The following POU2AF1 variants were observed in gnomAD, a reference collection of about 807,000 sequenced individuals.
POU2AF1 encodes POU domain class 2-associating factor 1.
Under a neutral mutation model 26.3 loss-of-function variants are expected in POU2AF1, and 12 were observed. The observed-to-expected ratio is 0.46, with a 90% CI of 0.29 to 0.74. The LOEUF is 0.74. Among genes scored for constraint, POU2AF1 ranks in the 30% least tolerant of loss-of-function variants. The pLI, the probability that POU2AF1 is intolerant of heterozygous loss-of-function variation, is 0.09. For synonymous variants in POU2AF1, 175 were observed against 148.0 expected (o/e 1.18, Z -1.32); for missense variants, 297 against 334.5 (o/e 0.89, Z 0.87).
intron 1 of POU2AF1, among the ~76,000 whole-genome samples, chr11:111,361,312 G>A (rs1198649076): frequency 7.2e-5 from 11 of 152,254 alleles, no homozygotes; most frequent in Middle Eastern, 3.4e-3. Flanking sequence ...TCTGTGCCCC[G>A]GGGCCACCTG....
intron 4 of POU2AF1, among the ~76,000 whole-genome samples, chr11:111,355,870 C>G (rs1378273898): frequency 6.6e-6 from 1 of 152,186 alleles, no homozygotes; most frequent in African/African-American, 2.4e-5. Flanking sequence ...ATCCCAGTGT[C>G]CTGAAACCAG....
At chr11:111,357,886 C>T (rs374789592) in intron 2 of POU2AF1, 49 bp from the exon 3 acceptor site, 10 of 1,533,154 alleles carry the variant, frequency 6.5e-6, no homozygotes, top group Non-Finnish European at 8.8e-6. Flanking sequence ...CCTCGTCAAC[C>T]GGCCCTGTGC....
rs571029327 is a variant in POU2AF1 at position 111,376,826 on chromosome 11, G to C, written c.16+2336C>G. ...TTTACTGATTTTCCCACACGGTTTAGTCACCCAGGTGCCCTCTATACCACA... is the reference window on the plus strand; with the variant it reads ...TTTACTGATTTTCCCACACGGTTTACTCACCCAGGTGCCCTCTATACCACA... On this transcript the variant is annotated intron_variant, in intron 1 of 4. Coordinates refer to ENST00000393067, the MANE Select transcript of POU2AF1 (RefSeq NM_006235.3). 2.2e-4 allele frequency among the ~76,000 whole-genome samples: 33 copies of C among 152,236 alleles called. No homozygotes were observed. The South Asian group carries it at 6.6e-3, about 31-fold the overall frequency.
intron 1 of POU2AF1, among the ~76,000 whole-genome samples, chr11:111,371,014 T>C (rs1305926813): frequency 6.6e-6 from 1 of 152,256 alleles, no homozygotes; most frequent in African/African-American, 2.4e-5. Context: ...CTTCCTGAAT[T>C]GGTGTACCTT....
intron 2 of POU2AF1, among the ~76,000 whole-genome samples, chr11:111,358,404 A>ACT (rs1265288826): frequency 1.0e-4 from 3 of 28,596 alleles, no homozygotes; most frequent in Non-Finnish European, 3.1e-4. Context: ...TCACACACAT[A>ACT]CTCTCTCACA....
intron 1 of POU2AF1, 40 bp downstream of exon 1, chr11:111,379,122 G>A (rs1278381464): frequency 6.2e-7 from 1 of 1,613,340 alleles, no homozygotes; most frequent in Non-Finnish European, 8.5e-7. Flanking sequence ...TGCCCCGCTG[G>A]CACTCGCTTG....
chr11:111,372,055 C>CAGAGAGAGAGAGAGAGAGAGAGAG (rs1469970188), intron 1 of POU2AF1, among the ~76,000 whole-genome samples: 2 of 137,604 alleles, frequency 1.5e-5, no homozygotes, highest in African/African-American at 5.9e-5. Flanking sequence ...CACACACACA[C>CAGAGAGAGAGAGAGAGAGAGAGAG]ACACACACAC....
intron 1 of POU2AF1, among the ~76,000 whole-genome samples, chr11:111,378,831 T>C (rs1787628077): frequency 6.6e-6 from 1 of 152,132 alleles, no homozygotes; most frequent in Admixed American, 6.5e-5. Flanking sequence ...CCATCCCACA[T>C]CTGGCTTTTG....
intron 1 of POU2AF1, among the ~76,000 whole-genome samples, chr11:111,372,025 C>T (rs1447290627): frequency 7.9e-6 from 1 of 126,728 alleles, no homozygotes; most frequent in Non-Finnish European, 1.6e-5. Flanking sequence ...TAAACACACA[C>T]AAATACACAC....
Position 111,358,882 on chromosome 11 carries a change from G to T in POU2AF1, c.53C>A (p.Pro18Gln). 6.2e-7 allele frequency: 1 copy of T among 1,607,876 alleles called. No homozygotes were observed. ...APEQAPAPAR[P>Q]YQGVRVKEPV... is the part of the protein sequence containing the mutation. The stretch of plus-strand genomic sequence containing the variant: ...CTCCTTCACACGGACGCCCTGGTAT[G>T]GCCGGGCCGGGGCTGGGGCTTGCTC... The change falls in exon 2 of 5, where the codon CCA becomes CAA. Residue 18 changes from proline to glutamine, a missense_variant. By Grantham distance (76) the Pro-to-Gln change is moderately conservative (BLOSUM62 -1). Coordinates refer to ENST00000393067, the MANE Select transcript of POU2AF1 (RefSeq NM_006235.3).
At chr11:111,365,242 G>T (rs185837082) in intron 1 of POU2AF1, among the ~76,000 whole-genome samples, 1 of 152,302 alleles carries the variant, frequency 6.6e-6, no homozygotes, top group East Asian at 1.9e-4. Context: ...TCTGGATAAT[G>T]CTCAGCTTTG....
chr11:111,378,926 C>T (rs1361516406), intron 1 of POU2AF1, among the ~76,000 whole-genome samples: 2 of 152,182 alleles, frequency 1.3e-5, no homozygotes, highest in African/African-American at 2.4e-5. Flanking sequence ...CACCTTGGAA[C>T]ACTAGTTCGT....
chr11:111,376,545 G>A (rs1415730035), intron 1 of POU2AF1, among the ~76,000 whole-genome samples: 1 of 152,192 alleles, frequency 6.6e-6, no homozygotes, highest in Non-Finnish European at 1.5e-5. Context: ...GTCACTTTAT[G>A]CTCTAATCTT....
intron 1 of POU2AF1, among the ~76,000 whole-genome samples, chr11:111,374,884 A>T (rs189908811): frequency 2.0e-5 from 3 of 152,238 alleles, no homozygotes; most frequent in Non-Finnish European, 4.4e-5. Context: ...TTATATGCAT[A>T]GTACACATTT....
intron 4 of POU2AF1, 119 bp from the exon 5 acceptor site, chr11:111,354,694 T>G: frequency 2.2e-6 from 2 of 905,324 alleles, no homozygotes; most frequent in Non-Finnish European, 3.1e-6. Flanking sequence ...GGTTTCTCAC[T>G]TCATGGGGCT....
chr11:111,357,971 AC>A, intron 2 of POU2AF1, 134 bp from the exon 3 acceptor site: 3 of 976,762 alleles, frequency 3.1e-6, no homozygotes, highest in Non-Finnish European at 4.4e-6. Flanking sequence ...AAAACATCCC[AC>A]CCCGTATCCC....
rs757586470 is a variant in POU2AF1 at position 111,357,650 on chromosome 11, C to T, written c.251G>A (p.Cys84Tyr). Residue 84 changes from cysteine (C) to tyrosine (Y), a missense_variant, in exon 4 of 5, where the codon TGT becomes TAT. Physicochemically the swap from Cys to Tyr is radical, Grantham distance 194. Coordinates refer to ENST00000393067, the MANE Select transcript of POU2AF1 (RefSeq NM_006235.3). ...VSAVTEEAAL[C>Y]AGWLSQPTPA... is the part of the protein sequence containing the mutation. Reference sequence around the variant, plus strand: ...GGTGGGCTGGGAGAGCCAGCCGGCACACAGGGCAGCCTCCTCTGTCACTGC... The same window carrying T: ...GGTGGGCTGGGAGAGCCAGCCGGCATACAGGGCAGCCTCCTCTGTCACTGC... 1.9e-6 allele frequency: 3 copies of T among 1,613,394 alleles called. No individual in the cohort carries two copies. Among genetic ancestry groups the T allele is most frequent in the Admixed American group, 1.7e-5 (1 of 59,940 alleles).
chr11:111,358,697 C>CTG, intron 2 of POU2AF1, 91 bp downstream of exon 2: 1 of 1,322,728 alleles, frequency 7.6e-7, no homozygotes, highest in Admixed American at 2.8e-5. Context: ...CATACACATA[C>CTG]TCACACACAC....
intron 2 of POU2AF1, 66 bp downstream of exon 2, chr11:111,358,722 T>C: frequency 6.6e-7 from 1 of 1,514,392 alleles, no homozygotes; most frequent in East Asian, 2.5e-5. Flanking sequence ...ACTCTCACAC[T>C]ATCCCTGACA....
Sources: gnomAD v4.1 joint callset for allele counts (sites outside exome capture counted in the v4.1 genomes callset) on GRCh38, gnomAD v4.1.1 for gene constraint, MANE v1.5 for transcripts, NCBI Gene and HGNC (gene_info 2026-07-23, HGNC 2026-07-21) for gene names.